AGPS: variants seen among roughly 807,000 people sequenced by gnomAD.
The protein encoded by AGPS is alkyldihydroxyacetonephosphate synthase, peroxisomal.
AGPS carries 26 observed loss-of-function variants against 90.7 expected under a neutral mutation model. The ratio of observed to expected loss-of-function variants is 0.29; its 90% CI spans 0.21 to 0.40. AGPS has a LOEUF of 0.40. Ranked by LOEUF, AGPS falls within the 10% of genes least tolerant of loss-of-function variation. The probability of loss-of-function intolerance (pLI) is 1.00; values close to 1 mark genes in which losing one functional copy is unlikely to be tolerated. For synonymous variants in AGPS, 294 were observed against 285.3 expected (o/e 1.03, Z -0.31); for missense variants, 540 against 816.1 (o/e 0.66, Z 4.12).
chr2:177,402,305 A>T (rs1297499433), intron 1 of AGPS, among the ~76,000 whole-genome samples: 4 of 152,206 alleles, frequency 2.6e-5, no homozygotes, highest in African/African-American at 9.7e-5. Context: ...CTAAGAGGAA[A>T]TGCACATGTG....
At chr2:177,486,288 A>G (rs1253248298) in intron 11 of AGPS, among the ~76,000 whole-genome samples, 2 of 152,232 alleles carry the variant, frequency 1.3e-5, no homozygotes, top group Non-Finnish European at 2.9e-5. Flanking sequence ...AGAGGCATTA[A>G]TGTTTATCTT....
At chr2:177,503,331 C>A (rs900627963) in intron 14 of AGPS, among the ~76,000 whole-genome samples, 1 of 152,102 alleles carries the variant, frequency 6.6e-6, no homozygotes, top group African/African-American at 2.4e-5. Flanking sequence ...TGACATTTAC[C>A]ATAGAACTTA....
chr2:177,474,615 G>A (rs115761885), intron 10 of AGPS, among the ~76,000 whole-genome samples: 34 of 152,278 alleles, frequency 2.2e-4, no homozygotes, highest in Middle Eastern at 3.4e-3. Flanking sequence ...CTTGTGGAGC[G>A]GGTTAGAGAT....
At chr2:177,432,233 T>C (rs1470657344) in intron 2 of AGPS, among the ~76,000 whole-genome samples, 2 of 152,252 alleles carry the variant, frequency 1.3e-5, no homozygotes, top group African/African-American at 4.8e-5. Flanking sequence ...TCTTCTATAA[T>C]ATAGTCTATT....
At chr2:177,422,213 T>G (rs1014411440) in intron 2 of AGPS, among the ~76,000 whole-genome samples, 12 of 152,276 alleles carry the variant, frequency 7.9e-5, no homozygotes, top group Non-Finnish European at 1.3e-4. Flanking sequence ...AGTGTATTCA[T>G]TTATGGTTAG....
chr2:177,441,286 A>C, intron 6 of AGPS: 1 of 428,120 alleles, frequency 2.3e-6, no homozygotes, highest in Non-Finnish European at 4.2e-6. Flanking sequence ...TTAATGCCTG[A>C]ATAACAAAAT....
intron 1 of AGPS, among the ~76,000 whole-genome samples, chr2:177,408,502 T>G (rs1041789854): frequency 2.6e-5 from 4 of 152,218 alleles, no homozygotes; most frequent in African/African-American, 9.7e-5. Flanking sequence ...TCATTTCTCC[T>G]TCCAGATAGT....
chr2:177,404,947 G>C (rs1007204749), intron 1 of AGPS, among the ~76,000 whole-genome samples: 10 of 152,148 alleles, frequency 6.6e-5, no homozygotes, highest in African/African-American at 2.4e-4. Context: ...AGGGATATTT[G>C]TTATAAGTAT....
chr2:177,453,090 T>C (rs553347906), intron 8 of AGPS, among the ~76,000 whole-genome samples: 2 of 152,162 alleles, frequency 1.3e-5, no homozygotes, highest in East Asian at 3.9e-4. Flanking sequence ...GAAGTCTTTA[T>C]TTCACCTTTG....
In AGPS at chr2:177,488,686, C is replaced by T. The variant is rs576786883; in HGVS notation, c.1234-4462C>T. ...ATGGAGTTTAGTATTGAAGCATTTGCTTCTGATACAACATGAGATTGATAG... is the reference window on the plus strand; with the variant it reads ...ATGGAGTTTAGTATTGAAGCATTTGTTTCTGATACAACATGAGATTGATAG... On this transcript the variant is annotated intron_variant, in intron 11 of 19. Transcript: ENST00000264167. Among the ~76,000 whole-genome samples, 3 of 152,242 alleles carry T rather than the reference C, an allele frequency of 2.0e-5. No individual in the cohort carries two copies. In the South Asian group the frequency reaches 6.2e-4, roughly 32 times the overall value.
intron 10 of AGPS, among the ~76,000 whole-genome samples, chr2:177,471,813 C>T (rs1171457815): frequency 6.6e-6 from 1 of 152,048 alleles, no homozygotes; most frequent in Non-Finnish European, 1.5e-5. Context: ...AGTGAATATA[C>T]CTTTTGGTCA....
intron 1 of AGPS, among the ~76,000 whole-genome samples, chr2:177,419,339 G>C (rs1195126685): frequency 6.6e-6 from 1 of 151,844 alleles, no homozygotes; most frequent in Non-Finnish European, 1.5e-5. Context: ...AGATAGAAAA[G>C]GGTTTTTGTT....
intron 19 of AGPS, among the ~76,000 whole-genome samples, chr2:177,528,849 CTTTTT>C (rs71008000): frequency 1.3e-5 from 1 of 79,142 alleles, no homozygotes; most frequent in African/African-American, 5.0e-5. Context: ...CATATTAATC[CTTTTT>C]TTTTTTTTTT....
intron 9 of AGPS, among the ~76,000 whole-genome samples, chr2:177,464,639 A>G (rs1687395539): frequency 6.6e-6 from 1 of 152,244 alleles, no homozygotes; most frequent in Non-Finnish European, 1.5e-5. Context: ...ACTATAGTCC[A>G]TCTCAAATAC....
chr2:177,523,762 A>G lies in AGPS; in HGVS notation c.1812A>G (p.Glu604=), dbSNP rs532887858. The G allele has an allele frequency of 6.8e-6, 11 of 1,614,054 alleles. No individual in the cohort carries two copies. The South Asian group carries it at 1.1e-4, about 16-fold the overall frequency. The change falls in exon 19 of 20, where the codon GAA becomes GAG. Residue 604 remains glutamate (E), a synonymous_variant. Transcript: ENST00000264167. Reference sequence around the variant, plus strand: ...TCCAAATACAGGCAGCTGCTAGAGAAGAAATCCTTGCTAATGGAGGGAGCC... The same window carrying G: ...TCCAAATACAGGCAGCTGCTAGAGAGGAAATCCTTGCTAATGGAGGGAGCC... ...VFEQTEAAAR[E]EILANGGSLS... is the part of the protein sequence containing the mutation.
chr2:177,499,114 GT>G, intron 13 of AGPS, among the ~76,000 whole-genome samples: 1 of 151,812 alleles, frequency 6.6e-6, no homozygotes, highest in South Asian at 2.1e-4. Context: ...TTTTGGATGT[GT>G]TTTAGATATG....
chr2:177,492,974 T>C (rs1688311379), intron 11 of AGPS, among the ~76,000 whole-genome samples, 174 bp from the exon 12 acceptor site: 1 of 152,202 alleles, frequency 6.6e-6, no homozygotes, highest in Non-Finnish European at 1.5e-5. Flanking sequence ...TTTATAGAAG[T>C]CATTGATATT....
At chr2:177,480,212 C>T (rs758795591) in intron 10 of AGPS, among the ~76,000 whole-genome samples, 15 of 152,108 alleles carry the variant, frequency 9.9e-5, no homozygotes, top group Admixed American at 7.2e-4. Context: ...TTTGACCCAG[C>T]AATCCCATTA....
intron 11 of AGPS, among the ~76,000 whole-genome samples, 167 bp from the exon 12 acceptor site, chr2:177,492,981 T>C (rs1688311553): frequency 6.6e-6 from 1 of 152,236 alleles, no homozygotes; most frequent in African/African-American, 2.4e-5. Flanking sequence ...AAGTCATTGA[T>C]ATTTGTCTTC....
Sources: gnomAD v4.1 joint callset for allele counts (sites outside exome capture counted in the v4.1 genomes callset) on GRCh38, gnomAD v4.1.1 for gene constraint, MANE v1.5 for transcripts, NCBI Gene and HGNC (gene_info 2026-07-23, HGNC 2026-07-21) for gene names.